The following RALYL variants were observed in gnomAD, a reference collection of about 807,000 sequenced individuals.
RALYL encodes RALY RNA binding protein like.
A neutral mutation model predicts 35.1 loss-of-function variants in RALYL; 29 were observed. The observed-to-expected ratio is 0.83, with a 90% CI of 0.61 to 1.13. The LOEUF (loss-of-function observed/expected upper bound fraction) is 1.13. Ranked by LOEUF, RALYL falls within the 50% of genes most tolerant of loss-of-function variation. RALYL has a pLI of 0.00. For synonymous variants in RALYL, 120 were observed against 127.6 expected, an observed-to-expected ratio of 0.94 and a Z score of 0.40; for missense variants, 359 against 360.4, an observed-to-expected ratio of 1.00 and a Z score of 0.03.
intron 3 of RALYL, among the ~76,000 whole-genome samples, chr8:84,789,585 C>T (rs546701321): frequency 2.0e-5 from 3 of 152,016 alleles, no homozygotes; most frequent in African/African-American, 4.8e-5. Flanking sequence ...GGGCTGGGTG[C>T]GGTGGTTCAC....
intron 4 of RALYL, among the ~76,000 whole-genome samples, chr8:84,840,442 A>G (rs985204616): frequency 1.3e-5 from 2 of 152,206 alleles, no homozygotes; most frequent in African/African-American, 4.8e-5. Flanking sequence ...AAATGAACAA[A>G]GCCTCCAAGT....
chr8:84,854,732 G>A (rs1836623677), intron 5 of RALYL, among the ~76,000 whole-genome samples: 1 of 152,206 alleles, frequency 6.6e-6, no homozygotes, highest in African/African-American at 2.4e-5. Context: ...TGATATACTG[G>A]AGTTAGTGAC....
At chr8:84,735,249 TG>T (rs1234403090) in intron 2 of RALYL, among the ~76,000 whole-genome samples, 1 of 151,998 alleles carries the variant, frequency 6.6e-6, no homozygotes, top group Non-Finnish European at 1.5e-5. Context: ...TTCTTCATGC[TG>T]TATCCACAGG....
At chr8:84,443,028 G>A (rs1270038556) in intron 1 of RALYL, among the ~76,000 whole-genome samples, 1 of 152,118 alleles carries the variant, frequency 6.6e-6, no homozygotes, top group Admixed American at 6.6e-5. Flanking sequence ...ATATGTCAAT[G>A]TTTGCAAAGC....
intron 2 of RALYL, among the ~76,000 whole-genome samples, chr8:84,591,073 C>T (rs1813148055): frequency 6.6e-6 from 1 of 152,086 alleles, no homozygotes; most frequent in East Asian, 1.9e-4. Context: ...ATGCCGAAAG[C>T]ATTTGAGTGT....
At chr8:84,215,680 T>C (rs1332224822) in intron 1 of RALYL, among the ~76,000 whole-genome samples, 2 of 152,128 alleles carry the variant, frequency 1.3e-5, no homozygotes, top group Non-Finnish European at 2.9e-5. Context: ...TAATCTTAAA[T>C]TCATAAGCCA....
chr8:84,723,702 G>GT (rs1351025135), intron 2 of RALYL, among the ~76,000 whole-genome samples: 3 of 151,774 alleles, frequency 2.0e-5, no homozygotes, highest in Admixed American at 6.6e-5. Context: ...TCACTGAAAA[G>GT]TTAAGATTTA....
At chr8:84,578,213 C>G (rs1809950076) in intron 2 of RALYL, among the ~76,000 whole-genome samples, 1 of 152,250 alleles carries the variant, frequency 6.6e-6, no homozygotes. Flanking sequence ...CTAGCACAGG[C>G]ACTGAGTGCA....
chr8:84,224,394 G>T (rs990547191), intron 1 of RALYL, among the ~76,000 whole-genome samples: 1 of 152,074 alleles, frequency 6.6e-6, no homozygotes, highest in Non-Finnish European at 1.5e-5. Context: ...GACAGAACTG[G>T]ATATTTAAAT....
intron 2 of RALYL, among the ~76,000 whole-genome samples, chr8:84,774,296 C>T (rs1816307980): frequency 6.6e-6 from 1 of 152,176 alleles, no homozygotes; most frequent in Non-Finnish European, 1.5e-5. Context: ...TCATCGTTTT[C>T]TAATATGGTA....
Position 84,862,329 on chromosome 8 carries a change from T to C in RALYL, c.447T>C (p.Pro149=). 1.9e-6 allele frequency: 3 copies of C among 1,598,498 alleles called. No homozygotes were observed. The highest frequency in any genetic ancestry group is 2.6e-6 in the Non-Finnish European group (3 of 1,173,034). ...ATTACCACGGGCGTGTGCCTCCACC[T>C]CCCCGTGCAGTAATTCCGCTGAAGC... The part of the protein sequence containing the change: ...LFDYHGRVPP[P]PRAVIPLKRP... The change falls in exon 6 of 9, where the codon CCT becomes CCC. Residue 149 remains proline, a synonymous_variant. Transcript: ENST00000521268.
intron 1 of RALYL, among the ~76,000 whole-genome samples, chr8:84,410,258 A>G (rs1306766598): frequency 2.0e-5 from 3 of 152,006 alleles, no homozygotes; most frequent in African/African-American, 7.2e-5. Flanking sequence ...GTACTCTAGA[A>G]CCGGATTGCC....
chr8:84,669,279 C>G (rs547404277), intron 2 of RALYL, among the ~76,000 whole-genome samples: 1 of 152,086 alleles, frequency 6.6e-6, no homozygotes, highest in Non-Finnish European at 1.5e-5. Flanking sequence ...ACTAGGTGAT[C>G]ATGAATAGTC....
chr8:84,721,759 G>T (rs1188023179), intron 2 of RALYL, among the ~76,000 whole-genome samples: 1 of 152,098 alleles, frequency 6.6e-6, no homozygotes, highest in Non-Finnish European at 1.5e-5. Flanking sequence ...CTGAATCTAT[G>T]AAAGTTAAGA....
At chr8:84,454,364 C>T (rs531522178) in intron 1 of RALYL, among the ~76,000 whole-genome samples, 1 of 152,092 alleles carries the variant, frequency 6.6e-6, no homozygotes, top group South Asian at 2.1e-4. Flanking sequence ...GTCAACTCTT[C>T]CCAGAAAATA....
At chr8:84,530,963 T>C (rs1287286726) in intron 2 of RALYL, among the ~76,000 whole-genome samples, 1 of 152,164 alleles carries the variant, frequency 6.6e-6, no homozygotes, top group Non-Finnish European at 1.5e-5. Context: ...TATTTGCTCC[T>C]TTCTTTAGAG....
intron 1 of RALYL, among the ~76,000 whole-genome samples, chr8:84,495,804 A>C (rs1403553099): frequency 2.6e-5 from 4 of 152,200 alleles, no homozygotes; most frequent in Admixed American, 6.6e-5. Context: ...CCAGAAGCAA[A>C]TGCATAAAGT....
intron 1 of RALYL, among the ~76,000 whole-genome samples, chr8:84,497,754 G>A (rs2056217330): frequency 6.8e-6 from 1 of 147,320 alleles, no homozygotes; most frequent in South Asian, 2.2e-4. Flanking sequence ...CGATTCTACT[G>A]CCTCAGCCTC....
At chr8:84,225,723 C>T (rs1433019224) in intron 1 of RALYL, among the ~76,000 whole-genome samples, 1 of 152,140 alleles carries the variant, frequency 6.6e-6, no homozygotes, top group Non-Finnish European at 1.5e-5. Context: ...TCCTGATTTC[C>T]ACCTTCACGG....
Sources: allele counts gnomAD v4.1 joint callset (sites outside exome capture counted in the v4.1 genomes callset), GRCh38; gene constraint gnomAD v4.1.1; transcripts MANE v1.5; gene names NCBI Gene and HGNC (gene_info 2026-07-23, HGNC 2026-07-21).